The following VWF variants were observed in gnomAD, a reference collection of about 807,000 sequenced individuals.
VWF encodes von Willebrand factor.
A neutral mutation model predicts 308.6 loss-of-function variants in VWF; 176 were observed. The observed-to-expected ratio is 0.57, with a 90% CI of 0.50 to 0.65. The LOEUF is 0.65. Ranked by LOEUF, VWF falls within the 30% of genes least tolerant of loss-of-function variation. VWF has a pLI of 0.00. For missense variants in VWF, 3,146 were observed against 3,648.2 expected (o/e 0.86, Z 3.55); for synonymous variants, 1,385 against 1,443.4 (o/e 0.96, Z 0.92).
At chr12:5,954,777 G>T (rs1943229220) in intron 47 of VWF, among the ~76,000 whole-genome samples, 1 of 152,204 alleles carries the variant, frequency 6.6e-6, no homozygotes, top group Non-Finnish European at 1.5e-5. Context: ...AGAAATTTCA[G>T]TTACCACACA....
At chr12:5,999,471 T>TACACACACACACACACACAC (rs3062521) in intron 34 of VWF, among the ~76,000 whole-genome samples, 174 of 143,644 alleles carry the variant, frequency 1.2e-3, no homozygotes, top group African/African-American at 4.2e-3. Flanking sequence ...TGTACACACA[T>TACACACACACACACACACAC]ACACACACAC....
intron 24 of VWF, among the ~76,000 whole-genome samples, chr12:6,025,217 G>A (rs573676657): frequency 6.6e-6 from 1 of 152,302 alleles, no homozygotes; most frequent in South Asian, 2.1e-4. Flanking sequence ...AGGTCTTTTG[G>A]TCTGGACAAA....
At chr12:6,013,693 A>C (rs758235221) in intron 31 of VWF, 48 bp from the exon 32 acceptor site, 7 of 1,607,356 alleles carry the variant, frequency 4.4e-6, no homozygotes, top group Non-Finnish European at 6.0e-6. Context: ...AAGAAGGCTC[A>C]AAATGGACTG....
At chr12:6,079,597 G>A (rs1384134877) in intron 6 of VWF, among the ~76,000 whole-genome samples, 5 of 150,156 alleles carry the variant, frequency 3.3e-5, no homozygotes, top group Non-Finnish European at 3.0e-5. Context: ...GCGACAGAGT[G>A]AGACTCTGTC....
rs1189056649 is a variant in VWF, at chr12:6,058,571, C to T, written c.1534-527G>A. Among the ~76,000 whole-genome samples the T allele has an allele frequency of 2.0e-5, 3 of 152,112 alleles. No homozygotes were observed. Among genetic ancestry groups the T allele is most frequent in the African/African-American group, 7.2e-5 (3 of 41,412 alleles). ...GTGGTCCAAGCCCTCCGGGAGCTCA[C>T]GGTTAATGACAAGAAACACCTCCCC... On this transcript the variant is annotated intron_variant, in intron 13 of 51. Coordinates refer to ENST00000261405, the MANE Select transcript of VWF (RefSeq NM_000552.5). This position sits in a 1 kb window ranked among gnomAD's most constrained non-coding sequence, Gnocchi z 4.9.
chr12:5,979,966 G>A (rs1403728730), intron 42 of VWF, among the ~76,000 whole-genome samples: 7 of 149,560 alleles, frequency 4.7e-5, no homozygotes, highest in African/African-American at 1.5e-4. Flanking sequence ...GTGTGAACCC[G>A]GGAGGTGGAG....
In VWF at chr12:6,029,348, T is replaced by C. The variant is rs1226233003; in HGVS notation, c.2961A>G (p.Thr987=). 6.2e-6 allele frequency: 10 copies of C among 1,614,108 alleles called. No homozygotes were observed. The highest frequency in any genetic ancestry group is 8.5e-6 in the Non-Finnish European group (10 of 1,180,036). ...HLSISVVLKQ[T]YQEKVCGLCG... The stretch of plus-strand genomic sequence containing the variant: ...AAGCAAGAAAGCCACTGACCTGGTA[T>C]GTCTGCTTCAGGACCACGGAGATGC... The change falls in exon 22 of 52, where the codon ACA becomes ACG. Residue 987 remains threonine, a synonymous_variant. Coordinates refer to ENST00000261405, the MANE Select transcript of VWF (RefSeq NM_000552.5).
rs1943775979 is a variant in VWF at position 5,993,953 on chromosome 12, G to A, written c.6507C>T (p.His2169=). The change falls in exon 37 of 52, where the codon CAC becomes CAT. Residue 2169 remains histidine, a synonymous_variant. Transcript: ENST00000261405. ...CGATCACCTCACACACTTGCTCCTG[G>A]TGGCAACTGTCCTGCTGGCAGATGG... The part of the protein sequence containing the change: ...FYAICQQDSC[H]QEQVCEVIAS... 6.2e-7 allele frequency: 1 copy of A among 1,614,108 alleles called. No individual in the cohort carries two copies.
rs199675425 is a variant in VWF, at chr12:6,019,315, A to G, written c.4103T>C (p.Ile1368Thr). The G allele has an allele frequency of 1.2e-4, 191 of 1,613,710 alleles. No homozygotes were observed. The highest frequency in any genetic ancestry group is 1.6e-4 in the Non-Finnish European group (187 of 1,179,842). The stretch of plus-strand genomic sequence containing the variant: ...TTCAGGGCGGTCGATCTTGCTGAAG[A>G]TTTGGAACAGTGTGTATTTCAAGAC... ...SEVLKYTLFQIFSKIDRPEAS... is the reference protein window; with the variant it reads ...SEVLKYTLFQTFSKIDRPEAS... Residue 1368 changes from isoleucine to threonine, a missense_variant, in exon 28 of 52, where the codon ATC becomes ACC. Coordinates refer to ENST00000261405, the MANE Select transcript of VWF (RefSeq NM_000552.5). This position sits in a 1 kb window ranked among gnomAD's most constrained non-coding sequence, Gnocchi z 5.8.
intron 38 of VWF, 73 bp downstream of exon 38, chr12:5,991,746 A>T (rs1179189238): frequency 6.5e-7 from 1 of 1,529,644 alleles, no homozygotes; most frequent in Non-Finnish European, 9.0e-7. Flanking sequence ...GAGGCCAATC[A>T]CTGGTGAACA....
At chr12:5,954,222 C>A (rs1454302320) in intron 47 of VWF, among the ~76,000 whole-genome samples, 1 of 152,232 alleles carries the variant, frequency 6.6e-6, no homozygotes, top group Non-Finnish European at 1.5e-5. Context: ...TACCACACAT[C>A]TGCCAGAATG....
At chr12:6,082,464 C>T (rs1471735933) in intron 6 of VWF, among the ~76,000 whole-genome samples, 1 of 152,148 alleles carries the variant, frequency 6.6e-6, no homozygotes, top group Non-Finnish European at 1.5e-5. Flanking sequence ...AACTGCTATA[C>T]AATCGTTAAA....
intron 18 of VWF, among the ~76,000 whole-genome samples, chr12:6,039,925 G>A (rs367641977): frequency 2.6e-5 from 4 of 152,086 alleles, no homozygotes; most frequent in Admixed American, 6.5e-5. Context: ...GGTTTCAAAC[G>A]GGAAGTCAGC....
chr12:6,056,838 G>A lies in VWF; in HGVS notation c.1945+19C>T, dbSNP rs748057550. 2.4e-5 allele frequency: 33 copies of A among 1,365,772 alleles called. No individual in the cohort carries two copies. The highest frequency in any genetic ancestry group is 3.0e-5 in the Non-Finnish European group (32 of 1,069,722). The allele number at this position is 1,365,772 out of a possible 1,614,324, so 84.6% of individuals were successfully genotyped here. On this transcript the variant is annotated intron_variant, in intron 15 of 51. Transcript: ENST00000261405. ...TTTGGGGGGCGGCCCGGAGGGCTGCGGGCAGGGAGGGCACGCACCACAGCG... is the reference window on the plus strand; with the variant it reads ...TTTGGGGGGCGGCCCGGAGGGCTGCAGGCAGGGAGGGCACGCACCACAGCG...
intron 6 of VWF, among the ~76,000 whole-genome samples, chr12:6,090,601 A>T: frequency 9.8e-6 from 1 of 101,604 alleles, no homozygotes; most frequent in African/African-American, 3.1e-5. Flanking sequence ...AGCTAACAAC[A>T]ACTCCTCCTC....
At chr12:5,955,943 G>C (rs570058331) in intron 47 of VWF, among the ~76,000 whole-genome samples, 2 of 152,252 alleles carry the variant, frequency 1.3e-5, no homozygotes, top group South Asian at 4.1e-4. Flanking sequence ...GAGGAATAAA[G>C]ATGTAAAAAA....
intron 44 of VWF, among the ~76,000 whole-genome samples, chr12:5,969,939 C>T (rs1451612977): frequency 6.6e-6 from 1 of 151,238 alleles, no homozygotes; most frequent in African/African-American, 2.4e-5. Context: ...GAAAAGTCAC[C>T]AGGAGGATCT....
intron 33 of VWF, 39 bp from the exon 34 acceptor site, chr12:6,011,833 T>A (rs1330883025): frequency 6.6e-7 from 1 of 1,523,708 alleles, no homozygotes; most frequent in African/African-American, 1.4e-5. Flanking sequence ...GGGAATAAGA[T>A]GAGGTACTCC....
At chr12:5,976,333 C>T in intron 42 of VWF, 73 bp from the exon 43 acceptor site, 1 of 1,597,218 alleles carries the variant, frequency 6.3e-7, no homozygotes. Context: ...ACCTACTACA[C>T]AGAAGCCGCT....
Sources: gnomAD v4.1 joint callset for allele counts (sites outside exome capture counted in the v4.1 genomes callset) on GRCh38, gnomAD v4.1.1 for gene constraint, Gnocchi (gnomAD v3.1) non-coding constraint, MANE v1.5 for transcripts, NCBI Gene and HGNC (gene_info 2026-07-23, HGNC 2026-07-21) for gene names.